Variants in ENPP2 observed in about 807,000 individuals in gnomAD.
The protein encoded by ENPP2 is autotaxin.
In ENPP2, 51 loss-of-function variants were observed where a neutral mutation model predicts 120.2. The ratio of observed to expected loss-of-function variants is 0.42; its 90% confidence interval spans 0.34 to 0.54. The LOEUF is 0.54. Ranked by LOEUF, ENPP2 falls within the 20% of genes least tolerant of loss-of-function variation. ENPP2 has a pLI of 0.04. For synonymous variants in ENPP2, 365 were observed against 366.4 expected, an observed-to-expected ratio of 1.00 and a Z score of 0.04; for missense variants, 920 against 1,066.5, an observed-to-expected ratio of 0.86 and a Z score of 1.91.
chr8:119,669,754 A>G (rs1188673928), intron 1 of ENPP2, among the ~76,000 whole-genome samples: 1 of 152,210 alleles, frequency 6.6e-6, no homozygotes, highest in African/African-American at 2.4e-5. Context: ...TTCTGAGAAG[A>G]GTAGTGTGTA....
At chr8:119,578,920 C>T (rs1490423248) in intron 19 of ENPP2, among the ~76,000 whole-genome samples, 5 of 152,220 alleles carry the variant, frequency 3.3e-5, no homozygotes, top group Non-Finnish European at 7.3e-5. Context: ...GTTTCCTCAA[C>T]TCTACTTAAT....
upstream of ENPP2, among the ~76,000 whole-genome samples, chr8:119,642,354 T>C (rs898764155): frequency 4.6e-5 from 7 of 152,224 alleles, no homozygotes; most frequent in African/African-American, 1.7e-4. Flanking sequence ...ACATACTTTG[T>C]TTAGGGAAAC....
intron 1 of ENPP2, among the ~76,000 whole-genome samples, chr8:119,646,492 C>T (rs1817471445): frequency 1.3e-5 from 2 of 152,124 alleles, no homozygotes; most frequent in South Asian, 2.1e-4. Context: ...GGACCACTGA[C>T]CTAGAGGGTA....
chr8:119,627,974 A>G (rs907338157), intron 2 of ENPP2, among the ~76,000 whole-genome samples: 1 of 151,176 alleles, frequency 6.6e-6, no homozygotes, highest in African/African-American at 2.4e-5. Flanking sequence ...AACAAACCAG[A>G]AGACTCAGTG....
Position 119,611,795 on chromosome 8 carries a change from G to A in ENPP2, c.778-3818C>T, listed in dbSNP as rs1815128597. Among the ~76,000 whole-genome samples, 3 of 152,236 alleles carry A rather than the reference G, an allele frequency of 2.0e-5. No homozygotes were observed. In the South Asian group the frequency reaches 6.2e-4, roughly 32 times the overall value. Reference sequence around the variant, plus strand: ...AATCCCAGCACTTTGGGAGGCCAAGGCAGACAGATCACTTGAGGTCAGGAG... The same window carrying A: ...AATCCCAGCACTTTGGGAGGCCAAGACAGACAGATCACTTGAGGTCAGGAG... On this transcript the variant is annotated intron_variant, in intron 8 of 24. Coordinates refer to ENST00000075322, the MANE Select transcript of ENPP2 (RefSeq NM_001040092.3).
intron 8 of ENPP2, among the ~76,000 whole-genome samples, chr8:119,608,864 A>G (rs1224767759): frequency 6.6e-6 from 1 of 152,228 alleles, no homozygotes; most frequent in African/African-American, 2.4e-5. Context: ...AAATTTACAT[A>G]TTTATTGTTA....
chr8:119,639,805 A>G (rs1336981567), upstream of ENPP2, among the ~76,000 whole-genome samples: 3 of 152,224 alleles, frequency 2.0e-5, no homozygotes, highest in Non-Finnish European at 2.9e-5. Context: ...TGGGTACTAA[A>G]GTTTCTTTAC....
chr8:119,557,770 A>T, intron 24 of ENPP2, 79 bp from the exon 25 acceptor site: 11 of 1,253,936 alleles, frequency 8.8e-6, no homozygotes, highest in Non-Finnish European at 1.2e-5. Flanking sequence ...CTCCAAGTCC[A>T]CAAATGACCT....
intron 1 of ENPP2, among the ~76,000 whole-genome samples, chr8:119,656,442 G>A (rs139830331): frequency 9.9e-5 from 15 of 152,146 alleles, no homozygotes; most frequent in Admixed American, 9.2e-4. Flanking sequence ...GATACTAAGC[G>A]CAGTAACAAC....
chr8:119,622,982 G>A (rs545837135), intron 3 of ENPP2, among the ~76,000 whole-genome samples: 1 of 152,200 alleles, frequency 6.6e-6, no homozygotes, highest in East Asian at 1.9e-4. Flanking sequence ...AAGATAGGGT[G>A]AAATAGGTGC....
intron 17 of ENPP2, among the ~76,000 whole-genome samples, chr8:119,583,072 T>C (rs1041092195): frequency 2.6e-5 from 4 of 152,186 alleles, no homozygotes; most frequent in African/African-American, 4.8e-5. Flanking sequence ...GCTTTGGCCC[T>C]GTCCCCTGAA....
chr8:119,588,103 C>T (rs1813240167), intron 13 of ENPP2, among the ~76,000 whole-genome samples: 1 of 152,150 alleles, frequency 6.6e-6, no homozygotes, highest in Admixed American at 6.5e-5. Context: ...AGAATCTTAG[C>T]TCTAAAGCTT....
At chr8:119,573,585 G>A (rs1812120806) in intron 19 of ENPP2, among the ~76,000 whole-genome samples, 1 of 152,006 alleles carries the variant, frequency 6.6e-6, no homozygotes, top group Non-Finnish European at 1.5e-5. Flanking sequence ...GGCTGAGGTG[G>A]GCAGATCACT....
At chr8:119,620,450 A>G (rs1048527138) in intron 4 of ENPP2, among the ~76,000 whole-genome samples, 1 of 152,232 alleles carries the variant, frequency 6.6e-6, no homozygotes, top group African/African-American at 2.4e-5. Context: ...TATTAATATA[A>G]CACCCTCTTG....
At chr8:119,604,901 G>A (rs1814588492) in intron 9 of ENPP2, among the ~76,000 whole-genome samples, 1 of 152,054 alleles carries the variant, frequency 6.6e-6, no homozygotes, top group Non-Finnish European at 1.5e-5. Context: ...AGCCTCCTGA[G>A]TAGCTGGGAT....
intron 1 of ENPP2, among the ~76,000 whole-genome samples, chr8:119,664,027 A>G (rs1817999563): frequency 6.6e-6 from 1 of 152,222 alleles, no homozygotes; most frequent in African/African-American, 2.4e-5. Context: ...TTGCAAGTAA[A>G]CACAGGAGCA....
At chr8:119,610,524 C>T (rs57483227) in intron 8 of ENPP2, among the ~76,000 whole-genome samples, 2,465 of 150,938 alleles carry the variant, frequency 0.016, 66 homozygotes, top group African/African-American at 0.055. Flanking sequence ...GAGAAGCTTC[C>T]CGGTTCCTTG....
intron 1 of ENPP2, among the ~76,000 whole-genome samples, chr8:119,662,056 T>C (rs187167895): frequency 6.6e-6 from 1 of 152,202 alleles, no homozygotes; most frequent in East Asian, 1.9e-4. Flanking sequence ...GGGTACAAAG[T>C]TTTAGTTAGA....
chr8:119,627,011 C>T (rs1816325791), intron 2 of ENPP2, among the ~76,000 whole-genome samples: 2 of 151,956 alleles, frequency 1.3e-5, no homozygotes, highest in South Asian at 4.2e-4. Flanking sequence ...GAAAGAGTAA[C>T]AAGTGTTGGT....
Sources: allele counts gnomAD v4.1 joint callset (sites outside exome capture counted in the v4.1 genomes callset), GRCh38; gene constraint gnomAD v4.1.1; transcripts MANE v1.5; gene names NCBI Gene and HGNC (gene_info 2026-07-23, HGNC 2026-07-21).